IPMK: variants seen among roughly 807,000 people sequenced by gnomAD.
IPMK encodes inositol polyphosphate multikinase, also known as inositol 1,3,4,6-tetrakisphosphate 5-kinase.
In IPMK, 17 loss-of-function variants were observed where a neutral mutation model predicts 45.8. That is an observed-to-expected ratio of 0.37 (90% CI 0.25 to 0.56). The LOEUF is 0.56. Among genes scored for constraint, IPMK ranks in the 20% least tolerant of loss-of-function variants. IPMK has a pLI of 0.79. For synonymous variants in IPMK, 180 were observed against 184.3 expected (o/e 0.98, Z 0.19); for missense variants, 399 against 498.0 (o/e 0.80, Z 1.89).
At chr10:58,237,664 G>T in intron 2 of IPMK, 65 bp downstream of exon 2, 1 of 1,165,288 alleles carries the variant, frequency 8.6e-7, no homozygotes, top group Non-Finnish European at 1.3e-6. Context: ...GTCTTACTGT[G>T]AGTCACCACC....
chr10:58,252,084 T>A lies in IPMK; in HGVS notation c.191-14270A>T, dbSNP rs145482873. ...TCCACTTACTGTCTTCCTTTGTAGT[T>A]AAGGATTTTTTTCTAGCAGTATGTT... is the stretch of plus-strand genomic sequence containing the variant. On this transcript the variant is annotated intron_variant, in intron 1 of 5. Transcript: ENST00000373935. 3.7e-4 allele frequency among the ~76,000 whole-genome samples: 57 copies of A among 152,342 alleles called. 1 individual carries two copies. In the East Asian group the frequency reaches 0.01, roughly 27 times the overall value.
chr10:58,248,373 A>T (rs976643240), intron 1 of IPMK, among the ~76,000 whole-genome samples: 6 of 152,236 alleles, frequency 3.9e-5, no homozygotes, highest in African/African-American at 1.4e-4. Flanking sequence ...AATATTAAAA[A>T]TAAATGCACG....
At chr10:58,258,777 G>T (rs927331227) in intron 1 of IPMK, among the ~76,000 whole-genome samples, 33 of 152,234 alleles carry the variant, frequency 2.2e-4, no homozygotes, top group African/African-American at 6.7e-4. Context: ...GAAGAAAAAG[G>T]AAGTCTCCAA....
intron 3 of IPMK, 27 bp from the exon 4 acceptor site, chr10:58,216,344 G>T: frequency 8.4e-7 from 1 of 1,185,116 alleles, no homozygotes; most frequent in Non-Finnish European, 1.2e-6. Context: ...ATATTAATTA[G>T]TAATAGGCAA....
At position 58,192,180 on chromosome 10, in the gene IPMK, T is replaced by C. The variant is rs1165313829; in HGVS notation, c.*3896A>G. On this transcript the variant is annotated 3_prime_UTR_variant, in exon 6 of 6. Transcript: ENST00000373935. ...TTAATGCATTTTCAAAGTAATAATA[T>C]AATCAATCTGTAAGTCAAAAGTAAT... The C allele has an allele frequency of 1.3e-5, 2 of 151,996 alleles. No homozygotes were observed. The highest frequency in any genetic ancestry group is 6.6e-5 in the Admixed American group (1 of 15,256). 9.4% of individuals were successfully genotyped at this position (151,996 alleles called of 1,614,324 possible). A position where few individuals can be genotyped will look rare whatever the true frequency, so the allele number is the denominator to read the frequency against.
At chr10:58,251,894 C>A (rs982127649) in intron 1 of IPMK, among the ~76,000 whole-genome samples, 1 of 152,338 alleles carries the variant, frequency 6.6e-6, no homozygotes, top group Middle Eastern at 3.4e-3. Flanking sequence ...GAGTTTCTTG[C>A]AGACAGCATA....
rs550633247 is a variant in IPMK, at chr10:58,192,736, G to A, written c.*3340C>T. On this transcript the variant is annotated 3_prime_UTR_variant, in exon 6 of 6. Coordinates refer to ENST00000373935, the MANE Select transcript of IPMK (RefSeq NM_152230.5). Reference sequence around the variant, plus strand: ...GAACTAAGAAGCCTGGCCTCCAAAGGCAACCCTACTTGTTTTTCCAAAGCA... The same window carrying A: ...GAACTAAGAAGCCTGGCCTCCAAAGACAACCCTACTTGTTTTTCCAAAGCA... 3.9e-5 allele frequency: 6 copies of A among 151,986 alleles called. No individual in the cohort carries two copies. Among genetic ancestry groups the A allele is most frequent in the African/African-American group, 1.2e-4 (5 of 41,518 alleles). 9.4% of individuals were successfully genotyped at this position (151,986 alleles called of 1,614,324 possible).
intron 2 of IPMK, among the ~76,000 whole-genome samples, chr10:58,229,558 G>A (rs1230494427): frequency 9.2e-5 from 4 of 43,290 alleles, no homozygotes; most frequent in Admixed American, 3.7e-4. Context: ...GCGAGACCAC[G>A]TCTCAAAAAA....
intron 2 of IPMK, among the ~76,000 whole-genome samples, chr10:58,234,184 G>T (rs1838572752): frequency 6.6e-6 from 1 of 152,150 alleles, no homozygotes; most frequent in Non-Finnish European, 1.5e-5. Flanking sequence ...ACAAAGGGAA[G>T]AATATTCCAT....
chr10:58,253,058 T>G (rs909828327), intron 1 of IPMK, among the ~76,000 whole-genome samples: 3 of 152,228 alleles, frequency 2.0e-5, no homozygotes, highest in Non-Finnish European at 2.9e-5. Context: ...AATCCTCACA[T>G]GTCAAGGGCA....
intron 1 of IPMK, among the ~76,000 whole-genome samples, chr10:58,245,360 T>G (rs982509799): frequency 6.6e-6 from 1 of 151,968 alleles, no homozygotes; most frequent in South Asian, 2.1e-4. Flanking sequence ...ATGCCTATAA[T>G]CCCAGTACTC....
chr10:58,217,688 CAAAA>C (rs11393849), intron 3 of IPMK, among the ~76,000 whole-genome samples: 20 of 49,266 alleles, frequency 4.1e-4, no homozygotes, highest in African/African-American at 1.9e-3. Context: ...AACTCCATCT[CAAAA>C]AAAAAAAAAA....
At chr10:58,227,234 ATC>A in intron 2 of IPMK, 95 bp from the exon 3 acceptor site, 1 of 918,440 alleles carries the variant, frequency 1.1e-6, no homozygotes, top group Admixed American at 2.4e-5. Flanking sequence ...ATTATAATTC[ATC>A]TGGTATGGCT....
intron 4 of IPMK, among the ~76,000 whole-genome samples, chr10:58,207,106 G>A (rs755213748): frequency 6.6e-6 from 1 of 152,126 alleles, no homozygotes; most frequent in African/African-American, 2.4e-5. Flanking sequence ...GGGTTCAAGC[G>A]ATTCTCCTGC....
At chr10:58,217,574 A>G (rs113924446) in intron 3 of IPMK, among the ~76,000 whole-genome samples, 7,423 of 150,200 alleles carry the variant, frequency 0.049, 437 homozygotes, top group East Asian at 0.31. Flanking sequence ...TGTAATCCCA[A>G]CTACTCGGGA....
At chr10:58,245,560 TGAG>T (rs1189923411) in intron 1 of IPMK, among the ~76,000 whole-genome samples, 2 of 148,698 alleles carry the variant, frequency 1.3e-5, no homozygotes, top group African/African-American at 5.0e-5. Flanking sequence ...TACAGTGAGC[TGAG>T]GTCATGCCAC....
At chr10:58,226,767 G>C (rs187922332) in intron 3 of IPMK, among the ~76,000 whole-genome samples, 2 of 152,126 alleles carry the variant, frequency 1.3e-5, no homozygotes, top group South Asian at 2.1e-4. Flanking sequence ...CAATAAATTA[G>C]GACAGAACAT....
At chr10:58,217,428 C>A (rs1401792248) in intron 3 of IPMK, among the ~76,000 whole-genome samples, 3 of 151,574 alleles carry the variant, frequency 2.0e-5, no homozygotes, top group Admixed American at 2.0e-4. Flanking sequence ...GTACCTCACG[C>A]CTGTAATCCC....
rs560380959 is a variant in IPMK, at chr10:58,202,060, G to A, written c.547-2739C>T. On this transcript the variant is annotated intron_variant, in intron 4 of 5. Transcript: ENST00000373935. ...TTCATAGACCCTAGCAGAAGTTTATGGAAAGACGTTGTTTTTAACCTAAAA... is the reference window on the plus strand; with the variant it reads ...TTCATAGACCCTAGCAGAAGTTTATAGAAAGACGTTGTTTTTAACCTAAAA... Among the ~76,000 whole-genome samples the A allele has an allele frequency of 2.0e-5, 3 of 152,290 alleles. No homozygotes were observed. The Middle Eastern group carries it at 0.01, about 518-fold the overall frequency.
Sources: allele counts gnomAD v4.1 joint callset (sites outside exome capture counted in the v4.1 genomes callset), GRCh38; gene constraint gnomAD v4.1.1; transcripts MANE v1.5; gene names NCBI Gene and HGNC (gene_info 2026-07-23, HGNC 2026-07-21).